Variants in LRRTM4 observed in about 807,000 individuals in gnomAD.
LRRTM4 encodes the protein leucine-rich repeat transmembrane neuronal protein 4.
In LRRTM4, 25 loss-of-function variants were observed where a neutral mutation model predicts 47.6. That is an observed-to-expected ratio of 0.53 (90% CI 0.38 to 0.73). LRRTM4 has a LOEUF of 0.73. Among genes scored for constraint, LRRTM4 ranks in the 30% least tolerant of loss-of-function variants. LRRTM4 has a pLI of 0.00. For synonymous variants in LRRTM4, 311 were observed against 269.5 expected (o/e 1.15, Z -1.51); for missense variants, 638 against 713.4 (o/e 0.89, Z 1.20).
chr2:76,852,546 T>C (rs1672028935), intron 3 of LRRTM4, among the ~76,000 whole-genome samples: 1 of 152,152 alleles, frequency 6.6e-6, no homozygotes, highest in Non-Finnish European at 1.5e-5. Context: ...GCTATTATCT[T>C]ATGTTATTAT....
chr2:77,119,091 T>C (rs1371535336), intron 3 of LRRTM4, among the ~76,000 whole-genome samples: 1 of 151,826 alleles, frequency 6.6e-6, no homozygotes, highest in East Asian at 1.9e-4. Flanking sequence ...GGTTCATCAC[T>C]TTCAAAAAAT....
chr2:77,013,506 TA>T (rs5832271), intron 3 of LRRTM4, among the ~76,000 whole-genome samples: 75,138 of 146,298 alleles, frequency 0.51, 19,653 homozygotes, highest in East Asian at 0.66. Context: ...GAAACACTGT[TA>T]AAAAAAAAAA....
chr2:76,947,408 G>C (rs1056885232), intron 3 of LRRTM4, among the ~76,000 whole-genome samples: 2 of 151,726 alleles, frequency 1.3e-5, no homozygotes, highest in African/African-American at 4.8e-5. Context: ...TTGAAGCCAG[G>C]TTCTTATGAG....
chr2:77,326,873 T>G (rs973016599), intron 3 of LRRTM4, among the ~76,000 whole-genome samples: 2 of 152,204 alleles, frequency 1.3e-5, no homozygotes, highest in Non-Finnish European at 2.9e-5. Flanking sequence ...TCTTCACATG[T>G]GTTTGAGACC....
intron 3 of LRRTM4, among the ~76,000 whole-genome samples, chr2:77,105,760 A>G (rs887881575): frequency 2.6e-5 from 4 of 152,230 alleles, no homozygotes; most frequent in African/African-American, 9.6e-5. Context: ...GAGGGATTGA[A>G]TGGGATCATA....
chr2:76,795,601 AC>A (rs1280775461), intron 3 of LRRTM4, among the ~76,000 whole-genome samples: 2 of 150,328 alleles, frequency 1.3e-5, no homozygotes, highest in African/African-American at 4.8e-5. Context: ...ATACACACAC[AC>A]TACATTTTCT....
intron 3 of LRRTM4, among the ~76,000 whole-genome samples, chr2:77,133,057 C>A (rs996410747): frequency 6.6e-6 from 1 of 152,110 alleles, no homozygotes; most frequent in Non-Finnish European, 1.5e-5. Flanking sequence ...CAGAACTGAA[C>A]CAGTCCTGGA....
At chr2:77,473,231 T>C (rs1395837853) in intron 3 of LRRTM4, among the ~76,000 whole-genome samples, 1 of 152,186 alleles carries the variant, frequency 6.6e-6, no homozygotes, top group Non-Finnish European at 1.5e-5. Flanking sequence ...AAGGGCTAAA[T>C]GTTACAATAT....
intron 3 of LRRTM4, among the ~76,000 whole-genome samples, chr2:77,447,713 A>G (rs972998496): frequency 1.7e-4 from 26 of 152,072 alleles, no homozygotes; most frequent in African/African-American, 6.0e-4. Context: ...AAAGTTTTTG[A>G]GTATCAGACC....
At chr2:76,904,609 T>C (rs11898366) in intron 3 of LRRTM4, among the ~76,000 whole-genome samples, 25,975 of 152,184 alleles carry the variant, frequency 0.17, 2,386 homozygotes, top group Admixed American at 0.23. Context: ...TAAAAGAAGC[T>C]ATTTTTATAT....
chr2:77,145,684 G>A (rs910928290), intron 3 of LRRTM4, among the ~76,000 whole-genome samples: 10 of 151,856 alleles, frequency 6.6e-5, no homozygotes, highest in Admixed American at 6.6e-4. Flanking sequence ...TGAGGCAGGA[G>A]AATGGCGTGA....
chr2:76,858,266 G>T (rs754490257), intron 3 of LRRTM4, among the ~76,000 whole-genome samples: 2 of 152,074 alleles, frequency 1.3e-5, no homozygotes, highest in Non-Finnish European at 2.9e-5. Context: ...CCAGGTGAAC[G>T]CCTGAAAAAA....
At chr2:77,374,690 T>A (rs1429935378) in intron 3 of LRRTM4, among the ~76,000 whole-genome samples, 1 of 151,778 alleles carries the variant, frequency 6.6e-6, no homozygotes, top group Non-Finnish European at 1.5e-5. Context: ...CCAGCCTTAA[T>A]TGCCTTCAAA....
At chr2:76,980,361 G>A (rs199906823) in intron 3 of LRRTM4, among the ~76,000 whole-genome samples, 1 of 152,008 alleles carries the variant, frequency 6.6e-6, no homozygotes, top group Admixed American at 6.6e-5. Context: ...TAAAAGTGTA[G>A]TGTCTTGTAT....
At chr2:76,983,378 C>T (rs1676679934) in intron 3 of LRRTM4, among the ~76,000 whole-genome samples, 1 of 151,980 alleles carries the variant, frequency 6.6e-6, no homozygotes. Flanking sequence ...GTGGGGCCAG[C>T]CACAGCTAAT....
At chr2:77,108,401 A>G (rs975719707) in intron 3 of LRRTM4, among the ~76,000 whole-genome samples, 1 of 152,082 alleles carries the variant, frequency 6.6e-6, no homozygotes, top group Non-Finnish European at 1.5e-5. Flanking sequence ...TTATGATAAT[A>G]CAAAAATATC....
Position 77,329,678 on chromosome 2 carries a change from G to A in LRRTM4, c.1551+188640C>T, listed in dbSNP as rs113792171. On this transcript the variant is annotated intron_variant, in intron 3 of 3. Transcript: ENST00000409884. ...AGTGTCATGCAGGTCAACACATGTC[G>A]CACATGGACCACAAATGCCTGCCAC... Among the ~76,000 whole-genome samples, 186 of 152,196 alleles carry A rather than the reference G, an allele frequency of 1.2e-3. 1 individual carries two copies. Among genetic ancestry groups the A allele is most frequent in the African/African-American group, 4.1e-3 (169 of 41,540 alleles).
At chr2:77,079,559 A>G (rs1372624487) in intron 3 of LRRTM4, among the ~76,000 whole-genome samples, 1 of 152,172 alleles carries the variant, frequency 6.6e-6, no homozygotes, top group African/African-American at 2.4e-5. Flanking sequence ...TGCTAGTGTT[A>G]GTGTATTTGA....
chr2:77,151,758 G>T (rs1672436432), intron 3 of LRRTM4, among the ~76,000 whole-genome samples: 1 of 151,640 alleles, frequency 6.6e-6, no homozygotes, highest in African/African-American at 2.4e-5. Context: ...GGCATTGTGT[G>T]TAAGTTTAGG....
Sources: allele counts gnomAD v4.1 joint callset (sites outside exome capture counted in the v4.1 genomes callset), GRCh38; gene constraint gnomAD v4.1.1; transcripts MANE v1.5; gene names NCBI Gene and HGNC (gene_info 2026-07-23, HGNC 2026-07-21).